Variants in ATG16L1 observed in about 807,000 individuals in gnomAD.
The protein encoded by ATG16L1 is autophagy related 16 like 1, also known as autophagy-related protein 16-1.
ATG16L1 carries 37 observed loss-of-function variants against 88.5 expected under a neutral mutation model. The observed-to-expected ratio is 0.42, with a 90% CI of 0.32 to 0.55. The LOEUF is 0.55. Ranked by LOEUF, ATG16L1 falls within the 20% of genes least tolerant of loss-of-function variation. The pLI, the probability that ATG16L1 is intolerant of heterozygous loss-of-function variation, is 0.13. For missense variants in ATG16L1, 554 were observed against 752.8 expected (o/e 0.74, Z 3.09); for synonymous variants, 301 against 281.0 (o/e 1.07, Z -0.71).
At chr2:233,281,488 G>A (rs540763808) in intron 11 of ATG16L1, among the ~76,000 whole-genome samples, 1 of 152,234 alleles carries the variant, frequency 6.6e-6, no homozygotes, top group East Asian at 1.9e-4. Flanking sequence ...TCCGAGATTC[G>A]CCATCTAAAT....
At chr2:233,252,160 G>T (rs1174270438) in intron 1 of ATG16L1, among the ~76,000 whole-genome samples, 2 of 152,244 alleles carry the variant, frequency 1.3e-5, no homozygotes, top group Admixed American at 1.3e-4. Context: ...TACGATCTTT[G>T]TGGGGAGGCA....
chr2:233,291,822 G>A (rs1020290028), intron 14 of ATG16L1, among the ~76,000 whole-genome samples: 1 of 152,196 alleles, frequency 6.6e-6, no homozygotes, highest in Non-Finnish European at 1.5e-5. Flanking sequence ...AAAATAATAC[G>A]AATTGGGTAG....
chr2:233,291,578 G>A (rs2125300222), intron 14 of ATG16L1, among the ~76,000 whole-genome samples: 1 of 152,292 alleles, frequency 6.6e-6, no homozygotes, highest in East Asian at 1.9e-4. Context: ...TGCCCAGGGT[G>A]GCTGTTAGCC....
At chr2:233,252,413 G>C (rs1049856302) in intron 1 of ATG16L1, among the ~76,000 whole-genome samples, 2 of 151,914 alleles carry the variant, frequency 1.3e-5, no homozygotes, top group African/African-American at 4.8e-5. Flanking sequence ...TCAGGGTCTT[G>C]CTGTGTCGCC....
intron 1 of ATG16L1, 103 bp downstream of exon 1, chr2:233,252,045 C>A: frequency 2.0e-6 from 2 of 1,001,668 alleles, no homozygotes; most frequent in Non-Finnish European, 2.7e-6. Context: ...GCCGCCCGCA[C>A]GCATGGCGGC....
chr2:233,262,632 T>C (rs1697297095), intron 2 of ATG16L1, among the ~76,000 whole-genome samples: 1 of 152,172 alleles, frequency 6.6e-6, no homozygotes, highest in African/African-American at 2.4e-5. Flanking sequence ...CCTTACAGTC[T>C]CTAGTCATGT....
intron 9 of ATG16L1, chr2:233,275,682 C>G (rs1363476482): frequency 2.0e-6 from 1 of 510,038 alleles, no homozygotes; most frequent in Non-Finnish European, 3.9e-6. Context: ...CCTTCCCAGT[C>G]CCACTCCACT....
chr2:233,251,910 A>G lies in ATG16L1; in HGVS notation c.83A>G (p.Gln28Arg). ...CAACTGAGGCGCCGGGACCGGCTGC[A>G]GAGACAGGCGTTCGAGGAGATCATC... Reference protein sequence around the residue: ...SEQLRRRDRLQRQAFEEIILQ... With the variant: ...SEQLRRRDRLRRQAFEEIILQ... The change falls in exon 1 of 18, where the codon CAG (glutamine) becomes CGG (arginine). Residue 28 changes from glutamine to arginine, a missense_variant. Around this residue, in one of 5 missense-constraint regions of ATG16L1, gnomAD observed 101 missense variants for 107.0 expected, o/e 0.94. Transcript: ENST00000392017. 1.3e-6 allele frequency: 2 copies of G among 1,550,562 alleles called. No individual in the cohort carries two copies. Among genetic ancestry groups the G allele is most frequent in the Non-Finnish European group, 1.7e-6 (2 of 1,147,544 alleles).
At chr2:233,288,557 C>T (rs1699235271) in intron 12 of ATG16L1, 2 of 328,190 alleles carry the variant, frequency 6.1e-6, no homozygotes, top group South Asian at 2.4e-5. Flanking sequence ...GCTAGGATTA[C>T]CAGTGTGAGC....
rs1382170516 is a variant in ATG16L1 at position 233,273,006 on chromosome 2, C to A, written c.748C>A (p.His250Asn). The A allele has an allele frequency of 3.1e-6, 5 of 1,614,044 alleles. No individual in the cohort carries two copies. The highest frequency in any genetic ancestry group is 4.2e-6 in the Non-Finnish European group (5 of 1,179,974). The part of the protein sequence containing the change: ...IEVIVDETSD[H>N]TEETSPVRAI... ...GGTCATTGTGGATGAAACTTCTGAT[C>A]ACACAGAAGAGACCTCTCCTGTGCG... The change falls in exon 7 of 18, where the codon CAC becomes AAC. Residue 250 changes from histidine to asparagine, a missense_variant. This residue lies in a region of ATG16L1 where 370 missense variants were observed against 509.7 expected (regional missense o/e 0.73). Transcript: ENST00000392017.
intron 8 of ATG16L1, chr2:233,274,471 G>A: frequency 2.0e-6 from 1 of 500,906 alleles, no homozygotes. Context: ...GGAGAGTAAG[G>A]CATGTGCTGG....
At chr2:233,287,866 G>A (rs376514238) in intron 12 of ATG16L1, among the ~76,000 whole-genome samples, 1 of 152,176 alleles carries the variant, frequency 6.6e-6, no homozygotes, top group African/African-American at 2.4e-5. Flanking sequence ...TGACAAGAGT[G>A]AAACTCTGTC....
At chr2:233,284,473 A>G (rs1698943432) in intron 12 of ATG16L1, among the ~76,000 whole-genome samples, 1 of 152,166 alleles carries the variant, frequency 6.6e-6, no homozygotes, top group Non-Finnish European at 1.5e-5. Flanking sequence ...GTGGGACTAC[A>G]GGCACGTGCC....
chr2:233,290,309 A>G lies in ATG16L1; in HGVS notation c.1386A>G (p.Val462=). 1 of 1,614,232 alleles carries G rather than the reference A, an allele frequency of 6.2e-7. No individual in the cohort carries two copies. Among genetic ancestry groups the G allele is most frequent in the Non-Finnish European group, 8.5e-7 (1 of 1,180,046 alleles). ...ATATTGTCTGCACAGAGCAATGTGTAATGAGTGGACATTTTGACAAGAAAA... is the reference window on the plus strand; with the variant it reads ...ATATTGTCTGCACAGAGCAATGTGTGATGAGTGGACATTTTGACAAGAAAA... ...CNDIVCTEQC[V]MSGHFDKKIR... The change falls in exon 14 of 18, where the codon GTA becomes GTG. Residue 462 remains valine (V), a synonymous_variant. Coordinates refer to ENST00000392017, the MANE Select transcript of ATG16L1 (RefSeq NM_030803.7).
intron 11 of ATG16L1, 92 bp from the exon 12 acceptor site, chr2:233,282,587 CCTT>C (rs923352580): frequency 5.3e-6 from 6 of 1,138,128 alleles, no homozygotes; most frequent in African/African-American, 4.6e-5. Context: ...AGCATCTAAA[CCTT>C]CTTGTACTTG....
intron 5 of ATG16L1, among the ~76,000 whole-genome samples, chr2:233,265,349 C>G (rs1428299940): frequency 6.6e-6 from 1 of 152,196 alleles, no homozygotes; most frequent in Non-Finnish European, 1.5e-5. Flanking sequence ...AATTCTTCCC[C>G]ATAATTTTGT....
intron 10 of ATG16L1, 81 bp from the exon 11 acceptor site, chr2:233,281,024 A>C (rs563181077): frequency 1.2e-6 from 1 of 864,382 alleles, no homozygotes; most frequent in African/African-American, 1.7e-5. Context: ...ATTGGCTTCC[A>C]TTGTATTTCA....
intron 14 of ATG16L1, 37 bp downstream of exon 14, chr2:233,290,390 A>T: frequency 1.4e-6 from 2 of 1,469,240 alleles, no homozygotes; most frequent in African/African-American, 1.4e-5. Context: ...GGCACATAAG[A>T]GTCTCCACAG....
intron 2 of ATG16L1, among the ~76,000 whole-genome samples, chr2:233,257,819 T>G (rs1231043459): frequency 6.6e-6 from 1 of 152,018 alleles, no homozygotes; most frequent in Non-Finnish European, 1.5e-5. Flanking sequence ...AGCCTGGCCC[T>G]GATGGTGAAA....
Sources: gnomAD v4.1 joint callset for allele counts (sites outside exome capture counted in the v4.1 genomes callset) on GRCh38, gnomAD v4.1.1 for gene constraint, gnomAD v4.1.1 regional missense constraint, MANE v1.5 for transcripts, NCBI Gene and HGNC (gene_info 2026-07-23, HGNC 2026-07-21) for gene names.